SLC38A12: variants seen among roughly 807,000 people sequenced by gnomAD.
SLC38A12 encodes putative sodium-coupled neutral amino acid transporter 12.
chr17:74,825,388 T>C, the SLC38A12 span, among the ~76,000 whole-genome samples: 1 of 152,268 alleles, frequency 6.6e-6, no homozygotes, highest in African/African-American at 2.4e-5. Context: ...TTCTAGAAGT[T>C]CTTTTTGCAA....
the SLC38A12 span, among the ~76,000 whole-genome samples, chr17:74,781,000 GT>G: frequency 6.6e-6 from 1 of 152,226 alleles, no homozygotes; most frequent in Non-Finnish European, 1.5e-5. Flanking sequence ...CCAGAGGACA[GT>G]AGGCAGTGTC....
At chr17:74,807,946 G>T in the SLC38A12 span, among the ~76,000 whole-genome samples, 1 of 152,258 alleles carries the variant, frequency 6.6e-6, no homozygotes, top group South Asian at 2.1e-4. Flanking sequence ...CGTCAGGCTT[G>T]TGAAGAGCCG....
At chr17:74,796,021 T>G in the SLC38A12 span, among the ~76,000 whole-genome samples, 1 of 152,168 alleles carries the variant, frequency 6.6e-6, no homozygotes, top group Non-Finnish European at 1.5e-5. Context: ...CCCAAGAGCA[T>G]ATGGTTCGAT....
chr17:74,832,309 G>A, the SLC38A12 span, among the ~76,000 whole-genome samples: 2 of 152,140 alleles, frequency 1.3e-5, no homozygotes, highest in Non-Finnish European at 2.9e-5. Context: ...AGACCAGGCT[G>A]GAACAGTTCC....
chr17:74,836,302 TC>T, the SLC38A12 span: 1 of 1,612,366 alleles, frequency 6.2e-7, no homozygotes, highest in Admixed American at 1.7e-5. This position sits in a 1 kb window ranked among gnomAD's most constrained non-coding sequence, Gnocchi z 4.2. Context: ...AGCACCAACT[TC>T]CCCATCATTG....
chr17:74,819,708 G>T, the SLC38A12 span: 1 of 1,578,982 alleles, frequency 6.3e-7, no homozygotes, highest in South Asian at 1.1e-5. Context: ...ACAGTCTGCT[G>T]GTGCGGCCTG....
the SLC38A12 span, among the ~76,000 whole-genome samples, chr17:74,825,409 GC>G: frequency 1.3e-5 from 2 of 152,228 alleles, no homozygotes; most frequent in African/African-American, 4.8e-5. Context: ...ATGCACAGAG[GC>G]CCATTTATAG....
the SLC38A12 span, chr17:74,837,714 TG>T: frequency 2.0e-6 from 2 of 985,758 alleles, no homozygotes; most frequent in Non-Finnish European, 2.4e-6. Flanking sequence ...TCCATTCCCA[TG>T]GAAGGAGGCC....
At chr17:74,778,060 AT>A in the SLC38A12 span, among the ~76,000 whole-genome samples, 1 of 151,816 alleles carries the variant, frequency 6.6e-6, no homozygotes, top group South Asian at 2.1e-4. Context: ...TGAATTTTAA[AT>A]TGCACAACTT....
the SLC38A12 span, among the ~76,000 whole-genome samples, chr17:74,807,727 C>A: frequency 2.6e-5 from 4 of 152,252 alleles, no homozygotes; most frequent in Non-Finnish European, 5.9e-5. Flanking sequence ...CCAGCACCAC[C>A]AATTTGCATC....
chr17:74,832,491 T>G, the SLC38A12 span, among the ~76,000 whole-genome samples: 6 of 152,224 alleles, frequency 3.9e-5, no homozygotes, highest in Non-Finnish European at 8.8e-5. Flanking sequence ...GGGGCGTGGC[T>G]CTTCTAGAAC....
At chr17:74,795,674 T>C in the SLC38A12 span, 1 of 1,515,620 alleles carries the variant, frequency 6.6e-7, no homozygotes, top group Non-Finnish European at 9.2e-7. Flanking sequence ...CAGCCCAGCC[T>C]GCACAGCTGA....
At chr17:74,786,724 G>C in the SLC38A12 span, among the ~76,000 whole-genome samples, 3 of 152,264 alleles carry the variant, frequency 2.0e-5, no homozygotes, top group African/African-American at 7.2e-5. Context: ...ATAGGAAAAC[G>C]CCCATGGTTT....
the SLC38A12 span, among the ~76,000 whole-genome samples, chr17:74,818,150 G>T: frequency 6.6e-6 from 1 of 152,190 alleles, no homozygotes; most frequent in East Asian, 1.9e-4. Context: ...TTCTGCATGC[G>T]CTACCGTGTC....
the SLC38A12 span, among the ~76,000 whole-genome samples, chr17:74,783,897 T>G: frequency 6.6e-6 from 1 of 151,778 alleles, no homozygotes; most frequent in Non-Finnish European, 1.5e-5. Flanking sequence ...CCCAGCTAAT[T>G]TTTGCATTTT....
At chr17:74,835,845 C>G in the SLC38A12 span, 2 of 1,511,750 alleles carry the variant, frequency 1.3e-6, no homozygotes, top group Non-Finnish European at 1.8e-6. Flanking sequence ...CTCTAGTCCC[C>G]GCAAAGGCGC....
chr17:74,838,897 G>T, the SLC38A12 span: 1 of 1,535,634 alleles, frequency 6.5e-7, no homozygotes, highest in South Asian at 1.2e-5. Context: ...ATGGGCCCCC[G>T]GGGTCAGTGA....
the SLC38A12 span, chr17:74,790,977 C>G: frequency 8.1e-6 from 13 of 1,613,994 alleles, 1 homozygote; most frequent in South Asian, 1.3e-4. Flanking sequence ...TCTCCCAACC[C>G]GTTTGAAATC....
chr17:74,836,975 C>A, the SLC38A12 span: 5 of 1,227,322 alleles, frequency 4.1e-6, no homozygotes, highest in Non-Finnish European at 5.1e-6. The surrounding 1 kb of genome is among the most constrained non-coding windows in gnomAD (Gnocchi z 4.2). Context: ...TCTCCCACAT[C>A]TTCCAACACG....
Sources: allele counts gnomAD v4.1 joint callset (sites outside exome capture counted in the v4.1 genomes callset), GRCh38; gene constraint gnomAD v4.1.1; non-coding constraint Gnocchi (gnomAD v3.1); transcripts MANE v1.5; gene names NCBI Gene and HGNC (gene_info 2026-07-23, HGNC 2026-07-21).